Variants in ARHGAP32 observed in about 807,000 individuals in gnomAD.
The protein encoded by ARHGAP32 is rho GTPase-activating protein 32.
In ARHGAP32, 51 loss-of-function variants were observed where a neutral mutation model predicts 186.5. The ratio of observed to expected loss-of-function variants is 0.27; its 90% confidence interval spans 0.22 to 0.35. ARHGAP32 has a LOEUF of 0.35. Ranked by LOEUF, ARHGAP32 falls within the 10% of genes least tolerant of loss-of-function variation. ARHGAP32 has a pLI of 1.00. For missense variants in ARHGAP32, 2,186 were observed against 2,623.5 expected, an observed-to-expected ratio of 0.83 and a Z score of 3.64; for synonymous variants, 950 against 964.3, an observed-to-expected ratio of 0.99 and a Z score of 0.27.
chr11:129,152,746 A>G (rs952860696), intron 2 of ARHGAP32, among the ~76,000 whole-genome samples: 18 of 152,216 alleles, frequency 1.2e-4, no homozygotes, highest in African/African-American at 4.3e-4. Flanking sequence ...TCAAGGTAAT[A>G]AAAGCCAACT....
chr11:129,221,479 C>CTCTG (rs1944708639), intron 1 of ARHGAP32, among the ~76,000 whole-genome samples: 3 of 121,204 alleles, frequency 2.5e-5, no homozygotes, highest in Admixed American at 8.6e-5. Context: ...ATTGTCATTA[C>CTCTG]TGTGTGTGTG....
At chr11:129,202,735 A>G (rs1396748289) in intron 1 of ARHGAP32, among the ~76,000 whole-genome samples, 2 of 152,210 alleles carry the variant, frequency 1.3e-5, no homozygotes, top group Non-Finnish European at 2.9e-5. Flanking sequence ...CACAATATCT[A>G]CAAGTACAAG....
At chr11:128,999,903 ACTTTGGAGAT>A (rs1390271711) in intron 11 of ARHGAP32, among the ~76,000 whole-genome samples, 1 of 152,230 alleles carries the variant, frequency 6.6e-6, no homozygotes, top group Non-Finnish European at 1.5e-5. Context: ...GTAATATATT[ACTTTGGAGAT>A]CTTTATAATA....
At chr11:129,248,176 T>C (rs1340031393) in intron 1 of ARHGAP32, among the ~76,000 whole-genome samples, 1 of 141,740 alleles carries the variant, frequency 7.1e-6, no homozygotes, top group African/African-American at 2.7e-5. Context: ...CAAGGCGTGG[T>C]GGCAGGCACC....
In ARHGAP32 at chr11:129,164,443, C is replaced by T. The variant is rs984166089; in HGVS notation, c.117-16G>A. On this transcript the variant is annotated splice_polypyrimidine_tract_variant and intron_variant, in intron 1 of 22. Coordinates refer to ENST00000682385, the MANE Select transcript of ARHGAP32 (RefSeq NM_001378024.1). ...CTTCATCTTCCTAGAGATCAAAACA[C>T]GAAAGATTCTGATAAGAATTTCCAA... The T allele has an allele frequency of 2.0e-5, 27 of 1,383,478 alleles. No individual in the cohort carries two copies. Among genetic ancestry groups the T allele is most frequent in the African/African-American group, 4.4e-5 (3 of 68,386 alleles). 85.7% of individuals were successfully genotyped at this position (1,383,478 alleles called of 1,614,324 possible).
intron 10 of ARHGAP32, among the ~76,000 whole-genome samples, chr11:129,053,316 ATACAAAATTAAAAGTCATCACGCT>A (rs1452984855): frequency 2.6e-5 from 4 of 152,196 alleles, no homozygotes; most frequent in Admixed American, 6.5e-5. Flanking sequence ...AGGAAAAGAA[ATACAAAATTAAAAGTCATCACGCT>A]TGTATTCTGG....
At chr11:129,158,925 A>G (rs1943470925) in intron 2 of ARHGAP32, among the ~76,000 whole-genome samples, 1 of 152,218 alleles carries the variant, frequency 6.6e-6, no homozygotes, top group Non-Finnish European at 1.5e-5. Context: ...GCACAACTAC[A>G]TGGAAACTGA....
At chr11:129,078,652 G>C (rs754389053) in intron 6 of ARHGAP32, among the ~76,000 whole-genome samples, 2 of 151,752 alleles carry the variant, frequency 1.3e-5, no homozygotes, top group South Asian at 4.2e-4. Flanking sequence ...ACCACCACGC[G>C]TGGCTAACTT....
At chr11:129,048,321 G>A (rs1939895953) in intron 10 of ARHGAP32, among the ~76,000 whole-genome samples, 1 of 152,188 alleles carries the variant, frequency 6.6e-6, no homozygotes, top group Non-Finnish European at 1.5e-5. Flanking sequence ...GACAAAGAGT[G>A]TAGAATAAGA....
At chr11:129,245,989 T>A (rs905747416) in intron 1 of ARHGAP32, among the ~76,000 whole-genome samples, 1 of 152,208 alleles carries the variant, frequency 6.6e-6, no homozygotes, top group Non-Finnish European at 1.5e-5. Flanking sequence ...TTTGATAATA[T>A]TTGATTCATT....
chr11:129,006,902 T>C (rs1193100584), intron 11 of ARHGAP32, among the ~76,000 whole-genome samples: 2 of 152,170 alleles, frequency 1.3e-5, no homozygotes, highest in Non-Finnish European at 2.9e-5. Flanking sequence ...ATCTACCTGT[T>C]GTTCTACTAT....
intron 19 of ARHGAP32, among the ~76,000 whole-genome samples, chr11:128,977,054 T>C (rs1001422853): frequency 5.3e-5 from 8 of 152,264 alleles, no homozygotes; most frequent in Admixed American, 5.2e-4. Flanking sequence ...GAGGCAAAGA[T>C]TGGAGGGATG....
At chr11:129,105,840 A>T (rs1268970608) in intron 5 of ARHGAP32, among the ~76,000 whole-genome samples, 1 of 152,142 alleles carries the variant, frequency 6.6e-6, no homozygotes, top group Non-Finnish European at 1.5e-5. Context: ...CACTAAATAA[A>T]CTGTATTCAA....
At chr11:129,056,014 A>G (rs1228088664) in intron 10 of ARHGAP32, among the ~76,000 whole-genome samples, 1 of 152,100 alleles carries the variant, frequency 6.6e-6, no homozygotes, top group East Asian at 1.9e-4. Context: ...TTGAGACTGT[A>G]TTTTTTTCTG....
At chr11:129,018,596 A>G (rs1938460832) in intron 11 of ARHGAP32, among the ~76,000 whole-genome samples, 1 of 152,214 alleles carries the variant, frequency 6.6e-6, no homozygotes, top group African/African-American at 2.4e-5. Flanking sequence ...TTTAGTTCGC[A>G]TTCATCTTGG....
intron 1 of ARHGAP32, among the ~76,000 whole-genome samples, chr11:129,176,795 A>G (rs1191884335): frequency 6.6e-6 from 1 of 151,944 alleles, no homozygotes; most frequent in African/African-American, 2.4e-5. Context: ...CAGTGTGTAG[A>G]GGGAAATTTA....
chr11:128,995,380 A>G (rs1555067561), intron 12 of ARHGAP32, among the ~76,000 whole-genome samples: 1 of 151,726 alleles, frequency 6.6e-6, no homozygotes, highest in Non-Finnish European at 1.5e-5. Flanking sequence ...CTCGTTTTGT[A>G]TTTTTTTCTG....
chr11:129,223,586 G>C (rs1260960517), intron 1 of ARHGAP32, among the ~76,000 whole-genome samples: 1 of 152,120 alleles, frequency 6.6e-6, no homozygotes, highest in Non-Finnish European at 1.5e-5. Context: ...AAAGATGTTT[G>C]CTTACTTTTA....
chr11:129,192,166 C>A lies in ARHGAP32; in HGVS notation c.33G>T (p.Gly11=). The change falls in exon 1 of 23, where the codon GGG becomes GGT. Residue 11 remains glycine, a synonymous_variant. Transcript: ENST00000682385. ...ACTCCAACCAGAAGACACTGTCATC[C>A]CCTAAAGTGCTACTCTCACTTTCAG... METESESSTL[G]DDSVFWLESE... The A allele has an allele frequency of 6.2e-7, 1 of 1,613,832 alleles. No homozygotes were observed. Among genetic ancestry groups the A allele is most frequent in the South Asian group, 1.1e-5 (1 of 91,084 alleles).
Sources: allele counts gnomAD v4.1 joint callset (sites outside exome capture counted in the v4.1 genomes callset), GRCh38; gene constraint gnomAD v4.1.1; transcripts MANE v1.5; gene names NCBI Gene and HGNC (gene_info 2026-07-23, HGNC 2026-07-21).